The following FRMD5 variants were observed in gnomAD, a reference collection of about 807,000 sequenced individuals.
FRMD5 encodes the protein FERM domain-containing protein 5.
Under a neutral mutation model 69.0 loss-of-function variants are expected in FRMD5, and 20 were observed. The ratio of observed to expected loss-of-function variants is 0.29; its 90% confidence interval spans 0.20 to 0.42. The LOEUF (loss-of-function observed/expected upper bound fraction) is 0.42. Ranked by LOEUF, FRMD5 falls within the 10% of genes least tolerant of loss-of-function variation. The pLI, the probability that FRMD5 is intolerant of heterozygous loss-of-function variation, is 1.00. For synonymous variants in FRMD5, 271 were observed against 260.1 expected, an observed-to-expected ratio of 1.04 and a Z score of -0.40; for missense variants, 595 against 708.6, an observed-to-expected ratio of 0.84 and a Z score of 1.82.
chr15:44,194,167 G>C (rs1046386192), intron 1 of FRMD5: 2 of 152,264 alleles, frequency 1.3e-5, no homozygotes, highest in African/African-American at 2.4e-5. Flanking sequence ...ACATGAGCAA[G>C]AGGTTGTAAA....
chr15:43,895,692 G>GC (rs1419807951), intron 7 of FRMD5, among the ~76,000 whole-genome samples: 5 of 152,326 alleles, frequency 3.3e-5, no homozygotes, highest in Admixed American at 3.3e-4. Context: ...GAAGGCCACC[G>GC]CAAGACCCTG....
At chr15:44,029,954 A>G (rs1322492299) in intron 1 of FRMD5, among the ~76,000 whole-genome samples, 1 of 152,188 alleles carries the variant, frequency 6.6e-6, no homozygotes, top group Non-Finnish European at 1.5e-5. Context: ...TTGAGTATGG[A>G]CTATGTTTTA....
chr15:44,108,285 C>A (rs1190919368), intron 1 of FRMD5, among the ~76,000 whole-genome samples: 1 of 152,054 alleles, frequency 6.6e-6, no homozygotes, highest in East Asian at 1.9e-4. Context: ...GTGGAAGGAT[C>A]AGAGGATCAC....
chr15:43,966,663 T>C (rs2090299993), intron 1 of FRMD5, among the ~76,000 whole-genome samples: 1 of 151,788 alleles, frequency 6.6e-6, no homozygotes, highest in African/African-American at 2.4e-5. Flanking sequence ...AGAGGAGAAA[T>C]GGGGAACAAA....
chr15:43,980,231 C>T (rs2140618513), intron 1 of FRMD5, among the ~76,000 whole-genome samples: 1 of 152,268 alleles, frequency 6.6e-6, no homozygotes, highest in Middle Eastern at 3.4e-3. Flanking sequence ...ATAAAATCTA[C>T]CTCTGCTTAA....
At chr15:43,940,194 A>AACG (rs1475050085) in intron 1 of FRMD5, among the ~76,000 whole-genome samples, 2 of 152,246 alleles carry the variant, frequency 1.3e-5, no homozygotes, top group Non-Finnish European at 2.9e-5. Flanking sequence ...AAACAACAAC[A>AACG]ACGACAAAAG....
chr15:44,094,309 C>G (rs565698276), intron 1 of FRMD5, among the ~76,000 whole-genome samples: 1 of 152,154 alleles, frequency 6.6e-6, no homozygotes, highest in Non-Finnish European at 1.5e-5. Context: ...CTCCTAGGTC[C>G]GGGCTGGCTT....
chr15:44,062,245 A>G (rs1490920437), intron 1 of FRMD5, among the ~76,000 whole-genome samples: 1 of 152,232 alleles, frequency 6.6e-6, no homozygotes, highest in Non-Finnish European at 1.5e-5. Flanking sequence ...ATAAAAATTT[A>G]AGTCCCAAAT....
chr15:44,119,624 A>T (rs1242894534), intron 1 of FRMD5, among the ~76,000 whole-genome samples: 1 of 152,170 alleles, frequency 6.6e-6, no homozygotes. Context: ...GGTTCTGATA[A>T]TAAAGGAGAG....
intron 1 of FRMD5, among the ~76,000 whole-genome samples, chr15:44,086,157 T>C (rs1440323541): frequency 1.3e-5 from 2 of 151,992 alleles, no homozygotes; most frequent in Non-Finnish European, 2.9e-5. Context: ...GATATTAGAG[T>C]TTCCTCAATA....
chr15:43,894,159 C>A (rs1041421345), intron 7 of FRMD5, among the ~76,000 whole-genome samples: 6 of 152,160 alleles, frequency 3.9e-5, no homozygotes, highest in Admixed American at 1.3e-4. Flanking sequence ...GCACTACACA[C>A]AAACACTGTT....
At chr15:44,089,560 G>A (rs544479374) in intron 1 of FRMD5, among the ~76,000 whole-genome samples, 3 of 152,072 alleles carry the variant, frequency 2.0e-5, no homozygotes, top group South Asian at 2.1e-4. Context: ...AAAATTGGCC[G>A]GGCATGGTGG....
intron 7 of FRMD5, among the ~76,000 whole-genome samples, chr15:43,900,462 G>A (rs1158030378): frequency 2.0e-5 from 3 of 152,182 alleles, no homozygotes; most frequent in Admixed American, 2.0e-4. Context: ...TGTGCTAGTG[G>A]ATAGGGAACT....
At chr15:44,038,858 G>A (rs550105912) in intron 1 of FRMD5, among the ~76,000 whole-genome samples, 1 of 152,226 alleles carries the variant, frequency 6.6e-6, no homozygotes, top group African/African-American at 2.4e-5. Flanking sequence ...CTTCACAACC[G>A]GCAGACCATG....
At chr15:44,174,957 G>T (rs886601782) in intron 1 of FRMD5, among the ~76,000 whole-genome samples, 1 of 152,100 alleles carries the variant, frequency 6.6e-6, no homozygotes, top group Non-Finnish European at 1.5e-5. Flanking sequence ...TAATGCATGC[G>T]GGGCTTAAAA....
At chr15:44,141,697 C>A (rs535447824) in intron 1 of FRMD5, among the ~76,000 whole-genome samples, 1 of 152,130 alleles carries the variant, frequency 6.6e-6, no homozygotes, top group African/African-American at 2.4e-5. Context: ...CACTCTGTAC[C>A]CAGAACTGAA....
chr15:43,901,980 T>C, intron 7 of FRMD5, 195 bp downstream of exon 7: 1 of 563,624 alleles, frequency 1.8e-6, no homozygotes, highest in Non-Finnish European at 3.1e-6. Flanking sequence ...TCCTCTGACA[T>C]TGATGTGGCA....
chr15:43,906,017 A>G, intron 5 of FRMD5, 66 bp from the exon 6 acceptor site: 2 of 1,600,370 alleles, frequency 1.2e-6, no homozygotes, highest in South Asian at 1.1e-5. Flanking sequence ...CAAAGCAACA[A>G]GAGATTAGCA....
chr15:43,878,050 T>C (rs1340383468), intron 13 of FRMD5, among the ~76,000 whole-genome samples: 1 of 152,232 alleles, frequency 6.6e-6, no homozygotes, highest in Non-Finnish European at 1.5e-5. Context: ...TTGCCTAGAC[T>C]GGAGTGCAGT....
Sources: allele counts gnomAD v4.1 joint callset (sites outside exome capture counted in the v4.1 genomes callset), GRCh38; gene constraint gnomAD v4.1.1; transcripts MANE v1.5; gene names NCBI Gene and HGNC (gene_info 2026-07-23, HGNC 2026-07-21).